The following C4orf50 variants were observed in gnomAD, a reference collection of about 807,000 sequenced individuals.
C4orf50 encodes the protein chromosome 4 open reading frame 50.
C4orf50 carries 80 observed loss-of-function variants against 77.2 expected under a neutral mutation model. That is an observed-to-expected ratio of 1.04 (90% CI 0.87 to 1.25). C4orf50 has a LOEUF of 1.25. Ranked by LOEUF, C4orf50 falls within the 50% of genes most tolerant of loss-of-function variation. The pLI is 0.00. For missense variants in C4orf50, 1,257 were observed against 1,152.9 expected (o/e 1.09, Z -1.31); for synonymous variants, 532 against 465.3 (o/e 1.14, Z -1.84).
intron 7 of C4orf50, among the ~76,000 whole-genome samples, chr4:5,936,920 G>GCCAGACGCTTCATGAAA (rs1438663124): frequency 2.6e-5 from 4 of 151,900 alleles, no homozygotes; most frequent in African/African-American, 9.7e-5. Context: ...AGCAATAACA[G>GCCAGACGCTTCATGAAA]GCGTCTTCAT....
intron 7 of C4orf50, among the ~76,000 whole-genome samples, chr4:5,906,573 CTCTG>C (rs1316313495): frequency 3.3e-5 from 5 of 152,280 alleles, no homozygotes; most frequent in Admixed American, 6.5e-5. Context: ...AAAATCAAAA[CTCTG>C]TCTGTGCACA....
At position 6,011,415 on chromosome 4, in the gene C4orf50, C is replaced by T. The variant is rs1722489318; in HGVS notation, c.426+415G>A. On this transcript the variant is annotated intron_variant, in intron 24 of 33. Coordinates refer to ENST00000531445, the Ensembl canonical transcript of C4orf50. The surrounding 1 kb of genome is among the most constrained non-coding windows in gnomAD (Gnocchi z 4.2). Reference sequence around the variant, plus strand: ...CACATGGCCTCAGCTCTCTGTAGCTCTCCTCAACTCCCCTAGCCCCCTGAA... The same window carrying T: ...CACATGGCCTCAGCTCTCTGTAGCTTTCCTCAACTCCCCTAGCCCCCTGAA... Among the ~76,000 whole-genome samples, 1 of 152,108 alleles carries T rather than the reference C, an allele frequency of 6.6e-6. No individual in the cohort carries two copies. The highest frequency in any genetic ancestry group is 2.1e-4 in the South Asian group (1 of 4,822).
In C4orf50 at chr4:5,919,665, A is replaced by G. The variant is rs1173658209; in HGVS notation, c.*2475-21477T>C. Among the ~76,000 whole-genome samples the G allele has an allele frequency of 6.6e-6, 1 of 152,206 alleles. No homozygotes were observed. The highest frequency in any genetic ancestry group is 1.5e-5 in the Non-Finnish European group (1 of 68,038). ...CAAACGCCACACTGAGACACTGAGT[A>G]GTCAGGCCTTTGCGAGGCTGGCTGC... On this transcript the variant is annotated intron_variant, in intron 7 of 7. Coordinates refer to the C4orf50 transcript ENST00000324058. This position sits in a 1 kb window ranked among gnomAD's most constrained non-coding sequence, Gnocchi z 6.5.
chr4:5,982,792 G>A (rs933108564), intron 28 of C4orf50, among the ~76,000 whole-genome samples: 1 of 152,208 alleles, frequency 6.6e-6, no homozygotes, highest in East Asian at 1.9e-4. Context: ...GCCTGGGGGT[G>A]GGGGGAAGCT....
chr4:5,981,733 A>G (rs1258004514), intron 28 of C4orf50, among the ~76,000 whole-genome samples: 1 of 152,140 alleles, frequency 6.6e-6, no homozygotes, highest in African/African-American at 2.4e-5. Context: ...CTCTTGGTTC[A>G]TGCTGCTGAG....
At chr4:6,004,668 G>A (rs59413787) in intron 25 of C4orf50, among the ~76,000 whole-genome samples, 117,568 of 122,002 alleles carry the variant, frequency 0.96, 56,567 homozygotes, top group East Asian at 0.98. Context: ...ATGATGTGAT[G>A]GTGATGTTGA....
intron 25 of C4orf50, among the ~76,000 whole-genome samples, chr4:6,002,137 GGGTCCTAA>G (rs1721856731): frequency 6.6e-6 from 1 of 152,208 alleles, no homozygotes; most frequent in Non-Finnish European, 1.5e-5. Context: ...GGATTAGGCT[GGGTCCTAA>G]TCCAATAAAG....
At chr4:6,010,651 C>G (rs1379138283) in intron 24 of C4orf50, among the ~76,000 whole-genome samples, 6 of 152,156 alleles carry the variant, frequency 3.9e-5, no homozygotes, top group African/African-American at 1.4e-4. Context: ...GGGTTGCAAC[C>G]TGCAGTTTGA....
At position 5,970,186 on chromosome 4, in the gene C4orf50, G is replaced by A. The variant is rs890821661; in HGVS notation, c.4105-2724C>T. On this transcript the variant is annotated intron_variant, in intron 31 of 33. Transcript: ENST00000531445. The surrounding 1 kb of genome is among the most constrained non-coding windows in gnomAD (Gnocchi z 4.3). ...AGGCCCACTGGGGCTAGGGGTCGGG[G>A]GGCATAGAGAGGAAGCAAAACAGGC... Among the ~76,000 whole-genome samples, 9 of 151,956 alleles carry A rather than the reference G, an allele frequency of 5.9e-5. No homozygotes were observed. The highest frequency in any genetic ancestry group is 6.5e-5 in the Admixed American group (1 of 15,276).
At chr4:5,994,326 C>T (rs898853672) in intron 26 of C4orf50, 21 bp downstream of exon 4, 11 of 399,078 alleles carry the variant, frequency 2.8e-5, no homozygotes, top group East Asian at 1.8e-4. Context: ...TCGTCCTCCA[C>T]GCACCGCGGT....
At chr4:5,977,862 C>T (rs986342182) in intron 29 of C4orf50, among the ~76,000 whole-genome samples, 5 of 151,980 alleles carry the variant, frequency 3.3e-5, no homozygotes, top group African/African-American at 1.2e-4. Context: ...AAAAAGTGAA[C>T]AAGAAGAAAT....
intron 7 of C4orf50, among the ~76,000 whole-genome samples, chr4:5,909,064 A>G (rs1202755397): frequency 6.6e-6 from 1 of 152,156 alleles, no homozygotes; most frequent in Non-Finnish European, 1.5e-5. Flanking sequence ...ATTCCTAGGA[A>G]GCTGATGACA....
intron 33 of C4orf50, 123 bp downstream of exon 11, chr4:5,964,901 A>G: frequency 1.2e-6 from 1 of 800,572 alleles, no homozygotes; most frequent in Non-Finnish European, 1.9e-6. Context: ...ATTGTGTTCT[A>G]TTTCTTGACC....
chr4:5,937,927 T>C (rs1718098743), intron 7 of C4orf50, among the ~76,000 whole-genome samples: 1 of 152,170 alleles, frequency 6.6e-6, no homozygotes, highest in Non-Finnish European at 1.5e-5. Context: ...CCTCAAAATG[T>C]ATAAGGCAAA....
chr4:5,898,564 T>A (rs542806461), intron 7 of C4orf50: 17 of 152,342 alleles, frequency 1.1e-4, no homozygotes, highest in African/African-American at 3.6e-4. Flanking sequence ...ACTCTCCTAC[T>A]GCTGTTAGGT....
Position 5,995,571 on chromosome 4 carries a change from C to T in C4orf50, c.964-1095G>A, listed in dbSNP as rs150277016. ...GCTGGGCACAGGTCTCCTCTGGGTTCCCACAGCCCTGGCTGCTTCCACTGC... is the reference window on the plus strand; with the variant it reads ...GCTGGGCACAGGTCTCCTCTGGGTTTCCACAGCCCTGGCTGCTTCCACTGC... On this transcript the variant is annotated intron_variant, in intron 25 of 33. Transcript: ENST00000531445. Among the ~76,000 whole-genome samples, 1,439 of 152,060 alleles carry T rather than the reference C, an allele frequency of 9.5e-3. 18 individuals carry two copies. The highest frequency in any genetic ancestry group is 0.033 in the African/African-American group (1,363 of 41,428).
intron 25 of C4orf50, among the ~76,000 whole-genome samples, chr4:6,003,578 TGTGATG>T (rs982534031): frequency 1.7e-5 from 2 of 120,608 alleles, no homozygotes; most frequent in African/African-American, 6.5e-5. Context: ...ATGGTGATGA[TGTGATG>T]GTGATGTTGA....
chr4:6,011,693 G>T lies in C4orf50; in HGVS notation c.426+137C>A, dbSNP rs79598642. ...CGCAGTCACGCCATGCACCATGAAC[G>T]TAGGATCTCTCTAACCCTCCTGACT... On this transcript the variant is annotated intron_variant, in intron 24 of 33. Transcript: ENST00000531445. This position sits in a 1 kb window ranked among gnomAD's most constrained non-coding sequence, Gnocchi z 4.2. 1,402 of 397,202 alleles carry T rather than the reference G, an allele frequency of 3.5e-3. 16 individuals carry two copies. Among genetic ancestry groups the T allele is most frequent in the African/African-American group, 0.027 (1,297 of 48,698 alleles). 24.6% of individuals were successfully genotyped at this position (397,202 alleles called of 1,614,324 possible). A position where few individuals can be genotyped will look rare whatever the true frequency, so the allele number is the denominator to read the frequency against.
At position 5,991,394 on chromosome 4, in the gene C4orf50, G is replaced by C. The variant is rs151031518; in HGVS notation, c.1222-570C>G. On this transcript the variant is annotated intron_variant, in intron 27 of 33. Transcript: ENST00000531445. ...CGCTGCAGAAGGCTCTCATGGATGGGGCTGGTGCAGGTGGTCCACTCCCTG... is the reference window on the plus strand; with the variant it reads ...CGCTGCAGAAGGCTCTCATGGATGGCGCTGGTGCAGGTGGTCCACTCCCTG... 3.4e-3 allele frequency among the ~76,000 whole-genome samples: 523 copies of C among 152,288 alleles called. 3 individuals carry two copies. Among genetic ancestry groups the C allele is most frequent in the South Asian group, 0.011 (54 of 4,824 alleles).
Sources: allele counts gnomAD v4.1 joint callset (sites outside exome capture counted in the v4.1 genomes callset), GRCh38; gene constraint gnomAD v4.1.1; non-coding constraint Gnocchi (gnomAD v3.1); transcripts MANE v1.5; gene names NCBI Gene and HGNC (gene_info 2026-07-23, HGNC 2026-07-21).